Variants in SNX18 observed in about 807,000 individuals in gnomAD.
SNX18 encodes sorting nexin 18.
Under a neutral mutation model 48.7 loss-of-function variants are expected in SNX18, and 35 were observed. The ratio of observed to expected loss-of-function variants is 0.72; its 90% CI spans 0.55 to 0.95. The LOEUF (loss-of-function observed/expected upper bound fraction) is 0.95, where lower values mean the gene tolerates loss of function less well. Among genes scored for constraint, SNX18 ranks in the 40% least tolerant of loss-of-function variants. SNX18 has a pLI of 0.00. For missense variants in SNX18, 824 were observed against 871.0 expected (o/e 0.95, Z 0.68); for synonymous variants, 492 against 384.7 (o/e 1.28, Z -3.26).
At chr5:54,553,013 C>T in the SNX18 span, among the ~76,000 whole-genome samples, 2 of 151,786 alleles carry the variant, frequency 1.3e-5, no homozygotes, top group African/African-American at 4.8e-5. Flanking sequence ...GTGCAAAGGC[C>T]CCGAGGCAGG....
intron 1 of SNX18, chr5:54,520,951 G>GT (rs1366972461): frequency 6.0e-6 from 1 of 167,026 alleles, no homozygotes; most frequent in Non-Finnish European, 1.5e-5. Context: ...TATTGAATTC[G>GT]TTTTTTGTGC....
chr5:54,581,093 A>G, the SNX18 span, among the ~76,000 whole-genome samples: 1 of 151,970 alleles, frequency 6.6e-6, no homozygotes, highest in Non-Finnish European at 1.5e-5. Context: ...AGGGCCAGTT[A>G]AAGAGCCCTC....
In SNX18 at chr5:54,519,900, A is replaced by T. The variant is rs1465322562; in HGVS notation, c.1621+327A>T. The T allele has an allele frequency of 3.1e-5, 43 of 1,377,574 alleles. No homozygotes were observed. The East Asian group carries it at 1.0e-3, about 32-fold the overall frequency. 85.3% of individuals were successfully genotyped at this position (1,377,574 alleles called of 1,614,324 possible). A position where few individuals can be genotyped will look rare whatever the true frequency, so the allele number is the denominator to read the frequency against. On this transcript the variant is annotated intron_variant, in intron 1 of 1. Coordinates refer to ENST00000381410, the MANE Select transcript of SNX18 (RefSeq NM_001102575.2). ...GTAATCTTGAGACGAGGGTAGAATT[A>T]GAAGGGGACCTAAACCATGTTAGGT...
At chr5:54,552,291 A>G in the SNX18 span, among the ~76,000 whole-genome samples, 1 of 152,246 alleles carries the variant, frequency 6.6e-6, no homozygotes, top group Non-Finnish European at 1.5e-5. Flanking sequence ...AAAGAGGCTC[A>G]GGCTGATTCC....
the SNX18 span, among the ~76,000 whole-genome samples, chr5:54,638,762 A>G: frequency 6.6e-6 from 1 of 152,142 alleles, no homozygotes; most frequent in Admixed American, 6.5e-5. Context: ...GATAAAGAAA[A>G]CAAGCATAGA....
intron 1 of SNX18, among the ~76,000 whole-genome samples, chr5:54,539,629 C>T (rs761980742): frequency 7.9e-5 from 12 of 152,170 alleles, no homozygotes; most frequent in East Asian, 5.8e-4. Context: ...CCTGCCCTGA[C>T]GGTGCTTTGT....
At chr5:54,636,147 C>T in the SNX18 span, among the ~76,000 whole-genome samples, 1 of 152,186 alleles carries the variant, frequency 6.6e-6, no homozygotes, top group African/African-American at 2.4e-5. Flanking sequence ...AGATGCTAGA[C>T]TCTAGCCTTC....
Position 54,519,473 on chromosome 5 carries a change from C to A in SNX18, c.1521C>A (p.Phe507Leu). The A allele has an allele frequency of 1.2e-6, 2 of 1,614,196 alleles. No individual in the cohort carries two copies. The highest frequency in any genetic ancestry group is 2.2e-5 in the South Asian group (2 of 91,080). Residue 507 changes from phenylalanine (F) to leucine (L), a missense_variant, in exon 1 of 2, where the codon TTC (phenylalanine) becomes TTA (leucine). Phe to Leu is a conservative substitution (Grantham distance 22). Transcript: ENST00000381410. ...GDAYDAIGEL[F>L]AEQPRQDLDP... ...CCTATGACGCCATTGGCGAGCTCTT[C>A]GCGGAGCAGCCCAGGCAGGACCTGG... is the stretch of plus-strand genomic sequence containing the variant.
At chr5:54,605,993 A>G in the SNX18 span, among the ~76,000 whole-genome samples, 1 of 152,174 alleles carries the variant, frequency 6.6e-6, no homozygotes, top group Non-Finnish European at 1.5e-5. Flanking sequence ...AAATGTCACC[A>G]CTTTTTAACA....
At chr5:54,586,033 C>G in the SNX18 span, among the ~76,000 whole-genome samples, 1 of 151,934 alleles carries the variant, frequency 6.6e-6, no homozygotes, top group Admixed American at 6.6e-5. Context: ...ACTCCTTCCC[C>G]AGCAACACTG....
chr5:54,558,443 C>T, the SNX18 span, among the ~76,000 whole-genome samples: 1 of 152,178 alleles, frequency 6.6e-6, no homozygotes, highest in African/African-American at 2.4e-5. Flanking sequence ...ATCACAGTCA[C>T]GTAGAGCAGT....
At chr5:54,589,504 G>A in the SNX18 span, among the ~76,000 whole-genome samples, 18 of 152,320 alleles carry the variant, frequency 1.2e-4, no homozygotes, top group East Asian at 3.1e-3. Flanking sequence ...TTGGTTGCAC[G>A]ATAGGTTGAG....
chr5:54,593,536 G>C, the SNX18 span, among the ~76,000 whole-genome samples: 1 of 152,192 alleles, frequency 6.6e-6, no homozygotes, highest in Non-Finnish European at 1.5e-5. Flanking sequence ...TGTAGAAATT[G>C]ATGATCATGT....
At chr5:54,614,239 G>A in the SNX18 span, among the ~76,000 whole-genome samples, 31 of 152,188 alleles carry the variant, frequency 2.0e-4, no homozygotes, top group African/African-American at 6.8e-4. Flanking sequence ...CTGCAATTCT[G>A]TTGTTGGTTC....
the SNX18 span, among the ~76,000 whole-genome samples, chr5:54,569,669 T>C: frequency 6.6e-6 from 1 of 152,218 alleles, no homozygotes; most frequent in Non-Finnish European, 1.5e-5. Context: ...GCATGTAATA[T>C]CTCCATGTGG....
the SNX18 span, among the ~76,000 whole-genome samples, chr5:54,595,405 T>G: frequency 2.0e-4 from 30 of 152,038 alleles, no homozygotes; most frequent in East Asian, 2.9e-3. Context: ...CCAGCTAATT[T>G]TTTGTATTTT....
chr5:54,634,315 TTC>T, the SNX18 span, among the ~76,000 whole-genome samples: 44 of 152,256 alleles, frequency 2.9e-4, no homozygotes, highest in African/African-American at 9.6e-4. Context: ...AAGTTAGGAC[TTC>T]TGAGGGACCA....
At chr5:54,551,046 C>G (rs568504364), downstream of SNX18, among the ~76,000 whole-genome samples, 1 of 144,420 alleles carries the variant, frequency 6.9e-6, no homozygotes, top group Admixed American at 7.0e-5. Context: ...TTAAAAATAA[C>G]GAAATGAATG....
chr5:54,631,350 T>C, the SNX18 span, among the ~76,000 whole-genome samples: 2 of 152,372 alleles, frequency 1.3e-5, no homozygotes, highest in Admixed American at 6.5e-5. Context: ...TCAATTATCA[T>C]AGAGTAAAAA....
Sources: gnomAD v4.1 joint callset for allele counts (sites outside exome capture counted in the v4.1 genomes callset) on GRCh38, gnomAD v4.1.1 for gene constraint, MANE v1.5 for transcripts, NCBI Gene and HGNC (gene_info 2026-07-23, HGNC 2026-07-21) for gene names.